The following OPCML variants were observed in gnomAD, a reference collection of about 807,000 sequenced individuals.
OPCML encodes opioid binding protein/cell adhesion molecule like.
A neutral mutation model predicts 37.8 loss-of-function variants in OPCML; 13 were observed. The observed-to-expected ratio is 0.34, with a 90% CI of 0.22 to 0.55. The LOEUF is 0.55. Ranked by LOEUF, OPCML falls within the 20% of genes least tolerant of loss-of-function variation. The pLI, the probability that OPCML is intolerant of heterozygous loss-of-function variation, is 0.91. For missense variants in OPCML, 341 were observed against 435.6 expected, an observed-to-expected ratio of 0.78 and a Z score of 1.93; for synonymous variants, 176 against 168.8, an observed-to-expected ratio of 1.04 and a Z score of -0.33.
intron 1 of OPCML, among the ~76,000 whole-genome samples, chr11:133,090,315 G>C (rs1029285051): frequency 6.6e-6 from 1 of 152,092 alleles, no homozygotes; most frequent in African/African-American, 2.4e-5. Context: ...TGGGTAATGG[G>C]CAGAGGCTGG....
intron 4 of OPCML, among the ~76,000 whole-genome samples, chr11:132,528,795 G>T (rs1447551938): frequency 6.6e-6 from 1 of 152,120 alleles, no homozygotes; most frequent in Admixed American, 6.5e-5. Context: ...ATCTTCATTG[G>T]AAGTTATTCT....
At chr11:133,267,589 C>A (rs1272017389) in intron 1 of OPCML, among the ~76,000 whole-genome samples, 1 of 152,116 alleles carries the variant, frequency 6.6e-6, no homozygotes, top group African/African-American at 2.4e-5. Context: ...TTGCTGTGAG[C>A]CATGGTAGAA....
chr11:133,264,846 TAAAC>T (rs1354453357), intron 1 of OPCML, among the ~76,000 whole-genome samples: 1 of 152,152 alleles, frequency 6.6e-6, no homozygotes, highest in African/African-American at 2.4e-5. Flanking sequence ...GATCATTAAA[TAAAC>T]TAAGTACTTT....
At position 132,579,555 on chromosome 11, in the gene OPCML, C is replaced by T. The variant is rs556043173; in HGVS notation, c.380-50369G>A. 7.2e-5 allele frequency among the ~76,000 whole-genome samples: 11 copies of T among 152,150 alleles called. No individual in the cohort carries two copies. In the South Asian group the frequency reaches 2.3e-3, roughly 32 times the overall value. ...GCCAAGGAAAACCCTTGATTGAATG[C>T]CCTTTGGAAATCAGAGGTCTCTCCT... is the stretch of plus-strand genomic sequence containing the variant. On this transcript the variant is annotated intron_variant, in intron 3 of 7. Coordinates refer to ENST00000524381, the MANE Select transcript of OPCML (RefSeq NM_001012393.5).
chr11:133,494,376 T>C (rs953022361), intron 1 of OPCML, among the ~76,000 whole-genome samples: 78 of 151,754 alleles, frequency 5.1e-4, no homozygotes, highest in African/African-American at 1.8e-3. Context: ...ACTGGGTATA[T>C]ACCCAAAGGA....
chr11:133,172,813 G>A (rs937228191), intron 1 of OPCML, among the ~76,000 whole-genome samples: 2 of 152,080 alleles, frequency 1.3e-5, no homozygotes, highest in African/African-American at 4.8e-5. Flanking sequence ...ATAAATCTAA[G>A]TAACAGACAT....
intron 1 of OPCML, among the ~76,000 whole-genome samples, chr11:132,947,363 G>A (rs1325250683): frequency 6.6e-6 from 1 of 152,180 alleles, no homozygotes; most frequent in Non-Finnish European, 1.5e-5. Context: ...CCATTTTGTT[G>A]CACAGCTGGC....
intron 2 of OPCML, among the ~76,000 whole-genome samples, chr11:132,850,420 T>C (rs1941752872): frequency 6.6e-6 from 1 of 152,132 alleles, no homozygotes; most frequent in African/African-American, 2.4e-5. Context: ...TGGAACACGT[T>C]AAAACGCACA....
chr11:133,306,761 T>G (rs1942929757), intron 1 of OPCML, among the ~76,000 whole-genome samples: 1 of 152,190 alleles, frequency 6.6e-6, no homozygotes. Flanking sequence ...GGGAAAGACA[T>G]TCTACAAATT....
intron 4 of OPCML, among the ~76,000 whole-genome samples, chr11:132,503,933 G>T (rs563970695): frequency 6.6e-6 from 1 of 152,044 alleles, no homozygotes; most frequent in Non-Finnish European, 1.5e-5. Flanking sequence ...ATCTCTTAGA[G>T]TAACCTAGCA....
At chr11:132,639,800 G>A (rs1277558819) in intron 3 of OPCML, among the ~76,000 whole-genome samples, 2 of 152,176 alleles carry the variant, frequency 1.3e-5, no homozygotes, top group Admixed American at 6.5e-5. Flanking sequence ...GGGGAAAGAA[G>A]ATGTAAGCAT....
intron 4 of OPCML, among the ~76,000 whole-genome samples, chr11:132,507,077 A>G (rs978668621): frequency 6.6e-6 from 1 of 151,394 alleles, no homozygotes; most frequent in Non-Finnish European, 1.5e-5. Flanking sequence ...AAAGTTAGAT[A>G]AGGTTAACTG....
Position 132,554,863 on chromosome 11 carries a change from G to GTTTTTTTT in OPCML, c.380-25685_380-25678dup, listed in dbSNP as rs5795789. ...ATAAAAGCCATGGGAATGGGGTAAAGTTTTTTTTTTTTTTTTTTTTTTTTT... is the reference window on the plus strand; with the variant it reads ...ATAAAAGCCATGGGAATGGGGTAAAGTTTTTTTTTTTTTTTTTTTTTTTTTTTTTTTTT... On this transcript the variant is annotated intron_variant, in intron 3 of 7. Coordinates refer to ENST00000524381, the MANE Select transcript of OPCML (RefSeq NM_001012393.5). Among the ~76,000 whole-genome samples, 68 of 64,026 alleles carry GTTTTTTTT rather than the reference G, an allele frequency of 1.1e-3. 12 individuals are homozygous for GTTTTTTTT. The highest frequency in any genetic ancestry group is 3.2e-3 in the African/African-American group (56 of 17,340). 42.0% of individuals were successfully genotyped at this position (64,026 alleles called of 152,430 possible). A position where few individuals can be genotyped will look rare whatever the true frequency, so the allele number is the denominator to read the frequency against.
intron 2 of OPCML, among the ~76,000 whole-genome samples, chr11:132,863,804 G>GA (rs1942408736): frequency 6.6e-6 from 1 of 152,192 alleles, no homozygotes; most frequent in Non-Finnish European, 1.5e-5. Flanking sequence ...TCCCCACTCA[G>GA]TCTGTTAGCA....
At chr11:132,857,968 G>A (rs896626500) in intron 2 of OPCML, among the ~76,000 whole-genome samples, 23 of 152,166 alleles carry the variant, frequency 1.5e-4, no homozygotes, top group African/African-American at 4.8e-4. Context: ...ACTGAACCCC[G>A]AGGCAATGAG....
intron 3 of OPCML, among the ~76,000 whole-genome samples, chr11:132,626,344 C>A (rs765844600): frequency 1.3e-5 from 2 of 151,802 alleles, no homozygotes; most frequent in Non-Finnish European, 2.9e-5. Flanking sequence ...CTCCAAGGAG[C>A]TGTAGAGGCT....
chr11:132,738,288 T>C (rs567694293), intron 2 of OPCML, among the ~76,000 whole-genome samples: 64 of 152,346 alleles, frequency 4.2e-4, no homozygotes, highest in African/African-American at 1.4e-3. Context: ...ATGTCGCCTG[T>C]ACTTCATGCT....
intron 4 of OPCML, among the ~76,000 whole-genome samples, chr11:132,448,759 A>G (rs1002980165): frequency 6.6e-6 from 1 of 152,218 alleles, no homozygotes; most frequent in African/African-American, 2.4e-5. Context: ...AGTAGAACTC[A>G]AGGAGGAAAC....
intron 1 of OPCML, among the ~76,000 whole-genome samples, chr11:132,952,553 C>A (rs1174857342): frequency 6.6e-6 from 1 of 152,214 alleles, no homozygotes; most frequent in Non-Finnish European, 1.5e-5. Context: ...ATTCAGGACC[C>A]TTAAATCCCA....
Sources: gnomAD v4.1 joint callset for allele counts (sites outside exome capture counted in the v4.1 genomes callset) on GRCh38, gnomAD v4.1.1 for gene constraint, MANE v1.5 for transcripts, NCBI Gene and HGNC (gene_info 2026-07-23, HGNC 2026-07-21) for gene names.